The following TUT7 variants were observed in gnomAD, a reference collection of about 807,000 sequenced individuals.
TUT7 encodes terminal uridylyltransferase 7.
Under a neutral mutation model 165.9 loss-of-function variants are expected in TUT7, and 33 were observed. The ratio of observed to expected loss-of-function variants is 0.20; its 90% CI spans 0.15 to 0.27. TUT7 has a LOEUF of 0.27. TUT7 is among the 10% of genes least tolerant of loss of function. The probability of loss-of-function intolerance (pLI) is 1.00; values close to 1 mark genes in which losing one functional copy is unlikely to be tolerated. For missense variants in TUT7, 1,338 were observed against 1,762.3 expected, an observed-to-expected ratio of 0.76 and a Z score of 4.31; for synonymous variants, 552 against 608.1, an observed-to-expected ratio of 0.91 and a Z score of 1.36.
In TUT7 at chr9:86,317,271, C is replaced by T; in HGVS notation, c.3222G>A (p.Leu1074=). ...TINGLETAEG[L]DCVRTIEELA... ...ATTCTTCAATAGTTCTGACACAGTC[C>T]AATCCCTACAACAAAGAAGGCATAA... Residue 1074 remains leucine (L), a synonymous_variant, in exon 17 of 27, where the codon TTG becomes TTA. Transcript: ENST00000375963. 1.2e-6 allele frequency: 2 copies of T among 1,613,528 alleles called. No individual in the cohort carries two copies. Among genetic ancestry groups the T allele is most frequent in the Non-Finnish European group, 1.7e-6 (2 of 1,179,674 alleles).
In TUT7 at chr9:86,340,996, C is replaced by A; in HGVS notation, c.1138+6G>T. Reference sequence around the variant, plus strand: ...AAAATTTTTTAAATGTGGAATTTGGCCTTACCACTGTTCTTTAAACATTCT... The same window carrying A: ...AAAATTTTTTAAATGTGGAATTTGGACTTACCACTGTTCTTTAAACATTCT... On this transcript the variant is annotated splice_donor_region_variant and intron_variant, in intron 7 of 26. Coordinates refer to ENST00000375963, the MANE Select transcript of TUT7 (RefSeq NM_024617.4). 1 of 1,609,366 alleles carries A rather than the reference C, an allele frequency of 6.2e-7. No homozygotes were observed. Among genetic ancestry groups the A allele is most frequent in the Admixed American group, 1.7e-5 (1 of 59,826 alleles).
At chr9:86,350,701 A>G (rs144774540) in intron 2 of TUT7, among the ~76,000 whole-genome samples, 2 of 152,374 alleles carry the variant, frequency 1.3e-5, no homozygotes, top group East Asian at 3.9e-4. Flanking sequence ...ACAACAGAGT[A>G]CTGCATCAGA....
intron 4 of TUT7, 85 bp from the exon 5 acceptor site, chr9:86,345,239 T>A: frequency 7.6e-7 from 1 of 1,308,762 alleles, no homozygotes; most frequent in Non-Finnish European, 1.0e-6. Context: ...CCCTATAGAG[T>A]TTTCTTTTTC....
chr9:86,300,284 T>C (rs950796346), intron 26 of TUT7, among the ~76,000 whole-genome samples: 5 of 152,200 alleles, frequency 3.3e-5, no homozygotes, highest in Non-Finnish European at 7.3e-5. Flanking sequence ...AGATACACTA[T>C]ATTGCTGAAT....
chr9:86,310,858 T>C (rs769510709), intron 17 of TUT7, 49 bp from the exon 18 acceptor site: 1 of 1,072,042 alleles, frequency 9.3e-7, no homozygotes, highest in Non-Finnish European at 1.4e-6. Context: ...GCTGGGGATA[T>C]AAGTAACTCT....
intron 22 of TUT7, 115 bp downstream of exon 22, chr9:86,308,314 G>A: frequency 1.1e-6 from 1 of 903,534 alleles, no homozygotes; most frequent in Non-Finnish European, 1.6e-6. Flanking sequence ...TGGACAATGA[G>A]ACTGGGGCAC....
At chr9:86,297,406 A>C (rs1826423736) in intron 26 of TUT7, among the ~76,000 whole-genome samples, 1 of 152,220 alleles carries the variant, frequency 6.6e-6, no homozygotes, top group South Asian at 2.1e-4. Flanking sequence ...CAGGATCACA[A>C]AGCTAGAAAT....
chr9:86,347,116 C>A (rs1348895420), intron 2 of TUT7, among the ~76,000 whole-genome samples: 2 of 152,084 alleles, frequency 1.3e-5, no homozygotes, highest in Non-Finnish European at 2.9e-5. Flanking sequence ...TTACTAAGGA[C>A]AACTATCTCT....
At chr9:86,322,531 G>C in intron 13 of TUT7, 56 bp from the exon 14 acceptor site, 1 of 1,550,750 alleles carries the variant, frequency 6.4e-7, no homozygotes, top group Non-Finnish European at 8.7e-7. Flanking sequence ...CCAAATAAAG[G>C]AGTCTGGAAT....
In TUT7 at chr9:86,323,578, T is replaced by C. The variant is rs761053000; in HGVS notation, c.2172A>G (p.Ser724=). 2 of 1,614,206 alleles carry C rather than the reference T, an allele frequency of 1.2e-6. No homozygotes were observed. Among genetic ancestry groups the C allele is most frequent in the Non-Finnish European group, 1.7e-6 (2 of 1,180,038 alleles). Reference sequence around the variant, plus strand: ...AGTTAACATCTGCTTGGATACAGTCTGAGTTTTCAGGGTGGACACTGATGT... The same window carrying C: ...AGTTAACATCTGCTTGGATACAGTCCGAGTTTTCAGGGTGGACACTGATGT... ...NEHISVHPEN[S]DCIQADVNSD... is the part of the protein sequence containing the mutation. Residue 724 remains serine (S), a synonymous_variant, in exon 13 of 27, where the codon TCA becomes TCG. Coordinates refer to ENST00000375963, the MANE Select transcript of TUT7 (RefSeq NM_024617.4).
At chr9:86,297,158 C>T (rs1232988180) in intron 26 of TUT7, among the ~76,000 whole-genome samples, 2 of 152,098 alleles carry the variant, frequency 1.3e-5, no homozygotes, top group African/African-American at 2.4e-5. Flanking sequence ...TGCCTAGCAT[C>T]TATATTTCTC....
At position 86,304,956 on chromosome 9, in the gene TUT7, A is replaced by T. The variant is rs1357483217; in HGVS notation, c.3887-9T>A. Reference sequence around the variant, plus strand: ...CATTATAAAATTTGTCACTAAAAAGAAGAGTAAGAACTCACTTAGGCGGGT... The same window carrying T: ...CATTATAAAATTTGTCACTAAAAAGTAGAGTAAGAACTCACTTAGGCGGGT... On this transcript the variant is annotated splice_polypyrimidine_tract_variant and intron_variant, in intron 23 of 26. Transcript: ENST00000375963. The T allele has an allele frequency of 6.4e-7, 1 of 1,573,258 alleles. No individual in the cohort carries two copies. Among genetic ancestry groups the T allele is most frequent in the Admixed American group, 1.7e-5 (1 of 57,886 alleles).
At chr9:86,327,125 T>G (rs1175954369) in intron 11 of TUT7, among the ~76,000 whole-genome samples, 4 of 152,176 alleles carry the variant, frequency 2.6e-5, no homozygotes, top group African/African-American at 9.7e-5. Flanking sequence ...ACACTACAGT[T>G]TGAGGACACA....
intron 6 of TUT7, 122 bp downstream of exon 6, chr9:86,342,953 G>A (rs565659393): frequency 1.8e-5 from 12 of 649,666 alleles, no homozygotes; most frequent in African/African-American, 9.7e-5. Context: ...GAAGGCAAGC[G>A]GATGCTGTCA....
rs187770232 is a variant in TUT7, at chr9:86,330,014, A to G, written c.1456-1522T>C. Among the ~76,000 whole-genome samples, 238 of 152,178 alleles carry G rather than the reference A, an allele frequency of 1.6e-3. 1 individual carries two copies. Among genetic ancestry groups the G allele is most frequent in the Non-Finnish European group, 2.2e-3 (147 of 67,982 alleles). ...ATATATTTATTAGTCTCTTGCCCCA[A>G]TTGGATGTATAAATTCGAGGGCAAG... On this transcript the variant is annotated intron_variant, in intron 10 of 26. Transcript: ENST00000375963.
Position 86,301,329 on chromosome 9 carries a change from CA to C in TUT7, c.4366del (p.Cys1456ValfsTer26). Reference sequence around the variant, plus strand: ...CTTTTTAATGTGCCCTTCTCTTCCACAAATAAAACAACGTTTTTCTCTTAAG... The same window carrying C: ...CTTTTTAATGTGCCCTTCTCTTCCACAATAAAACAACGTTTTTCTCTTAAG... ...KDLREKRCFI[C>X]GREGHIKKEC... On this transcript the variant is annotated frameshift_variant, in exon 26 of 27. Transcript: ENST00000375963. LOFTEE classifies it high-confidence loss of function. 1 of 1,614,178 alleles carries C rather than the reference CA, an allele frequency of 6.2e-7. No homozygotes were observed. The highest frequency in any genetic ancestry group is 8.5e-7 in the Non-Finnish European group (1 of 1,180,022).
At chr9:86,338,685 G>T in intron 9 of TUT7, 138 bp downstream of exon 9, 2 of 947,690 alleles carry the variant, frequency 2.1e-6, no homozygotes, top group Non-Finnish European at 2.9e-6. Context: ...GTACGTTTCT[G>T]TTGCAAAATT....
At chr9:86,292,619 A>T (rs1367783859) in intron 26 of TUT7, among the ~76,000 whole-genome samples, 1 of 151,466 alleles carries the variant, frequency 6.6e-6, no homozygotes, top group Admixed American at 6.6e-5. Flanking sequence ...AAAAAAAAAA[A>T]AAAAGAGATT....
chr9:86,338,096 A>G (rs1830985415), intron 9 of TUT7, among the ~76,000 whole-genome samples: 1 of 152,106 alleles, frequency 6.6e-6, no homozygotes, highest in South Asian at 2.1e-4. Context: ...GCCAGTGAAG[A>G]GTGGGAAATC....
Sources: allele counts gnomAD v4.1 joint callset (sites outside exome capture counted in the v4.1 genomes callset), GRCh38; gene constraint gnomAD v4.1.1; transcripts MANE v1.5; gene names NCBI Gene and HGNC (gene_info 2026-07-23, HGNC 2026-07-21).